DSCAM: variants seen among roughly 807,000 people sequenced by gnomAD.
The protein encoded by DSCAM is DS cell adhesion molecule.
A neutral mutation model predicts 217.7 loss-of-function variants in DSCAM; 47 were observed. The observed-to-expected ratio is 0.22, with a 90% CI of 0.17 to 0.28. DSCAM has a LOEUF of 0.28. Among genes scored for constraint, DSCAM ranks in the 10% least tolerant of loss-of-function variants. The pLI, the probability that DSCAM is intolerant of heterozygous loss-of-function variation, is 1.00. For synonymous variants in DSCAM, 1,056 were observed against 1,015.3 expected, an observed-to-expected ratio of 1.04 and a Z score of -0.76; for missense variants, 2,080 against 2,618.3, an observed-to-expected ratio of 0.79 and a Z score of 4.49.
Position 40,243,076 on chromosome 21 carries a change from C to T in DSCAM, c.2356+33021G>A, listed in dbSNP as rs146038786. 4.1e-3 allele frequency among the ~76,000 whole-genome samples: 631 copies of T among 152,328 alleles called. 4 individuals are homozygous for T. Among genetic ancestry groups the T allele is most frequent in the Middle Eastern group, 0.02 (6 of 294 alleles). On this transcript the variant is annotated intron_variant, in intron 11 of 32. Transcript: ENST00000400454. Reference sequence around the variant, plus strand: ...CTAATGATATCTGAGTCTCCCACCTCACAGCTGAGTGATCTGGTCTGTGCT... The same window carrying T: ...CTAATGATATCTGAGTCTCCCACCTTACAGCTGAGTGATCTGGTCTGTGCT...
At chr21:40,518,621 TATAC>T (rs1378726316) in intron 3 of DSCAM, among the ~76,000 whole-genome samples, 24 of 125,934 alleles carry the variant, frequency 1.9e-4, no homozygotes, top group Non-Finnish European at 3.0e-4. Context: ...CACACATATA[TATAC>T]ATACACACAC....
At chr21:40,426,519 A>G (rs1369311550) in intron 3 of DSCAM, among the ~76,000 whole-genome samples, 2 of 152,166 alleles carry the variant, frequency 1.3e-5, no homozygotes, top group Non-Finnish European at 2.9e-5. Flanking sequence ...TACATTCTAA[A>G]TTGTTAAAGG....
intron 8 of DSCAM, among the ~76,000 whole-genome samples, chr21:40,325,602 A>AAGTAGC (rs1157915317): frequency 6.6e-6 from 1 of 152,224 alleles, no homozygotes; most frequent in Non-Finnish European, 1.5e-5. Context: ...AAGCAGGAAG[A>AAGTAGC]AGTAGCAGGA....
intron 10 of DSCAM, among the ~76,000 whole-genome samples, chr21:40,294,558 T>C (rs2073932464): frequency 6.6e-6 from 1 of 152,156 alleles, no homozygotes; most frequent in South Asian, 2.1e-4. Context: ...CATATGCGCA[T>C]TGAATTAACA....
At chr21:40,514,581 T>C (rs2076285368) in intron 3 of DSCAM, among the ~76,000 whole-genome samples, 1 of 152,232 alleles carries the variant, frequency 6.6e-6, no homozygotes, top group Admixed American at 6.5e-5. Context: ...CCAGTGCATA[T>C]TCTAATGTTC....
At chr21:40,146,381 C>G (rs2090357916) in intron 16 of DSCAM, among the ~76,000 whole-genome samples, 1 of 152,014 alleles carries the variant, frequency 6.6e-6, no homozygotes, top group African/African-American at 2.4e-5. Flanking sequence ...CAGAGTGGAG[C>G]AAGACCTTGA....
intron 3 of DSCAM, among the ~76,000 whole-genome samples, chr21:40,523,975 C>G (rs116995828): frequency 0.019 from 2,909 of 152,224 alleles, 39 homozygotes; most frequent in South Asian, 0.064. Context: ...GAGAGGGGGA[C>G]AAAGGGACTT....
rs536336920 is a variant in DSCAM, at chr21:40,790,614, G to A, written c.43+56005C>T. Reference sequence around the variant, plus strand: ...GTATAAATGATTGGTTGATTGACTTGTGGAGGGAGTAATTGTGTGTTATGA... The same window carrying A: ...GTATAAATGATTGGTTGATTGACTTATGGAGGGAGTAATTGTGTGTTATGA... On this transcript the variant is annotated intron_variant, in intron 1 of 32. Coordinates refer to ENST00000400454, the MANE Select transcript of DSCAM (RefSeq NM_001389.5). 2.0e-3 allele frequency among the ~76,000 whole-genome samples: 300 copies of A among 152,326 alleles called. 2 individuals are homozygous for A. Among genetic ancestry groups the A allele is most frequent in the Middle Eastern group, 0.017 (5 of 294 alleles).
chr21:40,633,036 T>C (rs1308532706), intron 3 of DSCAM, among the ~76,000 whole-genome samples: 1 of 152,240 alleles, frequency 6.6e-6, no homozygotes, highest in Non-Finnish European at 1.5e-5. Flanking sequence ...ATCCATTTCC[T>C]GGTAATTTTC....
At chr21:40,124,476 T>G (rs1444039932) in intron 19 of DSCAM, 148 bp from the exon 20 acceptor site, 5 of 975,898 alleles carry the variant, frequency 5.1e-6, no homozygotes, top group Admixed American at 4.9e-5. Flanking sequence ...CAAATGCATA[T>G]GTTGAAGTCC....
chr21:40,414,465 A>G (rs2075352154), intron 3 of DSCAM, among the ~76,000 whole-genome samples: 1 of 152,214 alleles, frequency 6.6e-6, no homozygotes, highest in South Asian at 2.1e-4. Context: ...CTAAAATTAA[A>G]ACGTACTGTG....
intron 1 of DSCAM, among the ~76,000 whole-genome samples, chr21:40,759,958 CATTTATTTATTTATTTATTTATTTATTT>C (rs56093065): frequency 7.4e-5 from 10 of 135,830 alleles, no homozygotes; most frequent in South Asian, 2.6e-4. Flanking sequence ...GATACGTTTA[CATTTATTTATTTATTTATTTATTTATTT>C]ATTTATTTAT....
intron 11 of DSCAM, among the ~76,000 whole-genome samples, chr21:40,266,396 C>G (rs972917197): frequency 1.3e-5 from 2 of 151,860 alleles, no homozygotes; most frequent in Non-Finnish European, 2.9e-5. Context: ...TTACACACTG[C>G]TGGTGGGAAT....
intron 9 of DSCAM, among the ~76,000 whole-genome samples, chr21:40,310,589 A>T (rs563981957): frequency 6.2e-4 from 94 of 152,374 alleles, no homozygotes; most frequent in Non-Finnish European, 1.1e-3. Flanking sequence ...GCCTTGGTTA[A>T]AAACTTCTGG....
intron 3 of DSCAM, among the ~76,000 whole-genome samples, chr21:40,543,852 T>G (rs1205647804): frequency 6.6e-6 from 1 of 152,200 alleles, no homozygotes; most frequent in African/African-American, 2.4e-5. Flanking sequence ...TTATTTCATA[T>G]AAATTTACAT....
intron 1 of DSCAM, among the ~76,000 whole-genome samples, chr21:40,813,807 C>T (rs979449006): frequency 1.3e-4 from 20 of 151,870 alleles, no homozygotes; most frequent in Non-Finnish European, 7.4e-5. Flanking sequence ...CCACCACACC[C>T]GGCTAATTTT....
At chr21:40,748,262 AGAGG>A (rs2091194290) in intron 1 of DSCAM, among the ~76,000 whole-genome samples, 1 of 151,966 alleles carries the variant, frequency 6.6e-6, no homozygotes, top group African/African-American at 2.4e-5. Context: ...AATTAAGAAA[AGAGG>A]GAGTCAAATT....
At chr21:40,843,130 T>G (rs1183021366) in intron 1 of DSCAM, among the ~76,000 whole-genome samples, 2 of 152,230 alleles carry the variant, frequency 1.3e-5, no homozygotes, top group Non-Finnish European at 2.9e-5. Context: ...GGTGCATTTG[T>G]ATTTACAAAG....
intron 4 of DSCAM, among the ~76,000 whole-genome samples, chr21:40,355,083 G>T (rs528918003): frequency 6.6e-6 from 1 of 152,230 alleles, no homozygotes; most frequent in African/African-American, 2.4e-5. Context: ...TCTGTTGGGC[G>T]GGTGGTGTTG....
Sources: gnomAD v4.1 joint callset for allele counts (sites outside exome capture counted in the v4.1 genomes callset) on GRCh38, gnomAD v4.1.1 for gene constraint, MANE v1.5 for transcripts, NCBI Gene and HGNC (gene_info 2026-07-23, HGNC 2026-07-21) for gene names.